The following DIAPH2 variants were observed in gnomAD, a reference collection of about 807,000 sequenced individuals.
DIAPH2 encodes the protein protein diaphanous homolog 2.
In DIAPH2, 35 loss-of-function variants were observed where a neutral mutation model predicts 92.7. That is an observed-to-expected ratio of 0.38 (90% CI 0.29 to 0.50). The LOEUF is 0.50. Among genes scored for constraint, DIAPH2 ranks in the 20% least tolerant of loss-of-function variants. The pLI is 0.94. For missense variants in DIAPH2, 701 were observed against 819.5 expected (o/e 0.86, Z 1.77); for synonymous variants, 301 against 280.4 (o/e 1.07, Z -0.73).
At chrX:97,596,125 C>A (rs1000013065) in intron 26 of DIAPH2, among the ~76,000 whole-genome samples, 5 of 111,965 alleles carry the variant, frequency 4.5e-5, no homozygotes, top group African/African-American at 1.6e-4. Flanking sequence ...GGATTGATTT[C>A]TCAGGCTTAT....
At chrX:96,858,086 A>G (rs1414615366) in intron 4 of DIAPH2, among the ~76,000 whole-genome samples, 2 of 112,494 alleles carry the variant, frequency 1.8e-5, no homozygotes, top group Non-Finnish European at 3.7e-5. Flanking sequence ...TTGATAGAAC[A>G]GTGATAAAAT....
intron 4 of DIAPH2, among the ~76,000 whole-genome samples, chrX:96,868,157 C>T (rs994458305): frequency 1.8e-5 from 2 of 111,613 alleles, no homozygotes; most frequent in Admixed American, 9.5e-5. Flanking sequence ...TAGCATGCTG[C>T]GATGTCATTT....
chrX:97,465,294 C>T (rs1296041625), intron 26 of DIAPH2, among the ~76,000 whole-genome samples: 3 of 111,103 alleles, frequency 2.7e-5, no homozygotes, highest in African/African-American at 6.6e-5. Context: ...CACACACACA[C>T]GTTTATGCGT....
intron 25 of DIAPH2, among the ~76,000 whole-genome samples, chrX:97,426,263 T>C (rs1381462191): frequency 9.1e-6 from 1 of 109,732 alleles, no homozygotes; most frequent in Non-Finnish European, 1.9e-5. Flanking sequence ...TAGACAATTA[T>C]GCTATGCACC....
intron 25 of DIAPH2, among the ~76,000 whole-genome samples, chrX:97,407,874 C>T (rs1401577669): frequency 8.9e-6 from 1 of 111,831 alleles, no homozygotes; most frequent in Non-Finnish European, 1.9e-5. Context: ...GTCAAGTAGA[C>T]ACATCAACTT....
chrX:96,734,796 A>C (rs974694325), intron 1 of DIAPH2, among the ~76,000 whole-genome samples: 1 of 111,342 alleles, frequency 9.0e-6, no homozygotes, highest in African/African-American at 3.3e-5. Context: ...AGATCCAAGC[A>C]ATTTTCATTC....
intron 1 of DIAPH2, among the ~76,000 whole-genome samples, chrX:96,692,246 T>C (rs1009786671): frequency 8.9e-6 from 1 of 111,814 alleles, no homozygotes; most frequent in Admixed American, 9.5e-5. Flanking sequence ...CATCCTTTAT[T>C]TTTCCCTTGC....
chrX:96,746,275 A>G (rs751598957), intron 3 of DIAPH2, among the ~76,000 whole-genome samples: 1 of 112,043 alleles, frequency 8.9e-6, no homozygotes, highest in Admixed American at 9.4e-5. Flanking sequence ...TAGTTTGTAA[A>G]AGTGAATTTT....
At chrX:97,399,016 T>C (rs1275813943) in intron 25 of DIAPH2, among the ~76,000 whole-genome samples, 1 of 111,219 alleles carries the variant, frequency 9.0e-6, no homozygotes, top group Non-Finnish European at 1.9e-5. Context: ...AAGTCTGGTA[T>C]TATAGGCGTG....
chrX:97,275,122 C>T (rs1460943744), intron 23 of DIAPH2, among the ~76,000 whole-genome samples: 2 of 112,500 alleles, frequency 1.8e-5, no homozygotes, highest in East Asian at 2.8e-4. Flanking sequence ...AAACTGCCAT[C>T]GTCATCATGG....
At chrX:97,377,298 C>T (rs1036810700) in intron 24 of DIAPH2, among the ~76,000 whole-genome samples, 1 of 112,301 alleles carries the variant, frequency 8.9e-6, no homozygotes. Context: ...GTAACATAGT[C>T]ACTTATTATC....
chrX:97,262,901 G>A (rs1305101427), intron 23 of DIAPH2, among the ~76,000 whole-genome samples: 1 of 111,860 alleles, frequency 8.9e-6, no homozygotes, highest in Non-Finnish European at 1.9e-5. Context: ...AAGGTGTAGG[G>A]GAACTTAAAA....
intron 26 of DIAPH2, chrX:97,442,563 C>A (rs2070270668): frequency 8.9e-6 from 1 of 112,484 alleles, no homozygotes; most frequent in Admixed American, 9.4e-5. Flanking sequence ...CATACAGGCT[C>A]ATTTCTATAT....
intron 24 of DIAPH2, among the ~76,000 whole-genome samples, chrX:97,376,770 T>C (rs1223057038): frequency 9.0e-6 from 1 of 111,464 alleles, no homozygotes; most frequent in Non-Finnish European, 1.9e-5. Flanking sequence ...CATGACAGAG[T>C]GTACTTATAC....
chrX:97,031,369 A>C (rs182468449), intron 17 of DIAPH2, among the ~76,000 whole-genome samples: 107 of 109,475 alleles, frequency 9.8e-4, no homozygotes, highest in African/African-American at 3.4e-3. Flanking sequence ...GGACATCCTA[A>C]ACTGTGATAA....
chrX:96,791,734 C>A (rs756878658), intron 4 of DIAPH2, among the ~76,000 whole-genome samples: 1 of 110,871 alleles, frequency 9.0e-6, no homozygotes, highest in African/African-American at 3.3e-5. Context: ...CTAGCATGTT[C>A]GGTAGGCAAG....
intron 5 of DIAPH2, among the ~76,000 whole-genome samples, chrX:96,904,431 G>T (rs1049211932): frequency 1.8e-5 from 2 of 112,108 alleles, no homozygotes; most frequent in African/African-American, 6.5e-5. Context: ...TTGCTTTCAT[G>T]TAGAGAAACC....
chrX:97,519,453 G>A (rs1010683618), intron 26 of DIAPH2, among the ~76,000 whole-genome samples: 2 of 112,114 alleles, frequency 1.8e-5, no homozygotes, highest in Non-Finnish European at 1.9e-5. Context: ...TTATTACCAC[G>A]TGTCATATTC....
At chrX:97,366,038 T>C (rs956663097) in intron 24 of DIAPH2, among the ~76,000 whole-genome samples, 2 of 111,944 alleles carry the variant, frequency 1.8e-5, no homozygotes, top group Admixed American at 1.9e-4. Context: ...AACTAATTGG[T>C]GATGTACAGA....
Sources: allele counts gnomAD v4.1 joint callset (sites outside exome capture counted in the v4.1 genomes callset), GRCh38; gene constraint gnomAD v4.1.1; transcripts MANE v1.5; gene names NCBI Gene and HGNC (gene_info 2026-07-23, HGNC 2026-07-21).